ZPLD1: variants seen among roughly 807,000 people sequenced by gnomAD.
ZPLD1 encodes the protein zona pellucida-like domain-containing protein 1.
In ZPLD1, 34 loss-of-function variants were observed where a neutral mutation model predicts 47.2. The ratio of observed to expected loss-of-function variants is 0.72; its 90% CI spans 0.55 to 0.96. The LOEUF (loss-of-function observed/expected upper bound fraction) is 0.96. ZPLD1 is among the 40% of genes least tolerant of loss of function. The pLI, the probability that ZPLD1 is intolerant of heterozygous loss-of-function variation, is 0.00. For synonymous variants in ZPLD1, 176 were observed against 186.2 expected (o/e 0.95, Z 0.45); for missense variants, 512 against 505.8 (o/e 1.01, Z -0.12).
intron 1 of ZPLD1, among the ~76,000 whole-genome samples, chr3:102,435,938 G>C (rs1707084781): frequency 2.0e-5 from 3 of 152,144 alleles, no homozygotes. Context: ...CACCACGCCT[G>C]GCCATTATCT....
upstream of ZPLD1, among the ~76,000 whole-genome samples, chr3:102,434,684 AT>A (rs1039558818): frequency 6.6e-6 from 1 of 152,180 alleles, no homozygotes; most frequent in African/African-American, 2.4e-5. Flanking sequence ...TGGTATTAAT[AT>A]TTTGTATTAT....
In ZPLD1 at chr3:102,438,451, T is replaced by A. The variant is rs529972484; in HGVS notation, c.-8-29T>A. The A allele has an allele frequency of 5.9e-6, 9 of 1,516,776 alleles. No homozygotes were observed. In the South Asian group the frequency reaches 1.0e-4, roughly 17 times the overall value. 94.0% of individuals were successfully genotyped at this position (1,516,776 alleles called of 1,614,324 possible). On this transcript the variant is annotated intron_variant, in intron 2 of 11. Coordinates refer to ENST00000466937, the MANE Select transcript of ZPLD1 (RefSeq NM_001329788.2). ...TAGGAGTGAAGGAGTTAAGTGGGAG[T>A]GTCCACATGATAGATATCTCTTTTC...
chr3:102,398,717 C>T (rs1363483257), intron 7 of ZPLD1, among the ~76,000 whole-genome samples: 6 of 152,098 alleles, frequency 3.9e-5, no homozygotes, highest in Admixed American at 3.9e-4. Flanking sequence ...TTCACACCAC[C>T]ATGAGCATAT....
At position 102,478,345 on chromosome 3, in the gene ZPLD1, A is replaced by C. The variant is rs917513723; in HGVS notation, c.*727A>C. ...TTCTTCTGGTTCAGGTGAGAACACCAGCACATGTTAACTCTCCTCCCAGGT... is the reference window on the plus strand; with the variant it reads ...TTCTTCTGGTTCAGGTGAGAACACCCGCACATGTTAACTCTCCTCCCAGGT... On this transcript the variant is annotated 3_prime_UTR_variant, in exon 12 of 12. Coordinates refer to ENST00000466937, the MANE Select transcript of ZPLD1 (RefSeq NM_001329788.2). 7 of 152,248 alleles carry C rather than the reference A, an allele frequency of 4.6e-5. No homozygotes were observed. Among genetic ancestry groups the C allele is most frequent in the African/African-American group, 1.7e-4 (7 of 41,462 alleles). The allele number at this position is 152,248 out of a possible 1,614,324, so 9.4% of individuals were successfully genotyped here.
At chr3:102,467,442 A>G (rs577213934) in intron 8 of ZPLD1, among the ~76,000 whole-genome samples, 1 of 152,258 alleles carries the variant, frequency 6.6e-6, no homozygotes, top group Non-Finnish European at 1.5e-5. Flanking sequence ...AAAATGTCAC[A>G]ATTATTAAAG....
chr3:102,461,032 T>C (rs1028894390), intron 6 of ZPLD1, among the ~76,000 whole-genome samples: 1 of 151,814 alleles, frequency 6.6e-6, no homozygotes. Context: ...AGTATATCTC[T>C]TATATATTTG....
intron 8 of ZPLD1, among the ~76,000 whole-genome samples, chr3:102,421,493 G>A (rs1407729385): frequency 6.6e-6 from 1 of 151,794 alleles, no homozygotes; most frequent in Non-Finnish European, 1.5e-5. Context: ...GTGCATTTGT[G>A]TATTATGTAT....
rs574717667 is a variant in ZPLD1, at chr3:102,452,454, A to C, written c.107-465A>C. Among the ~76,000 whole-genome samples the C allele has an allele frequency of 6.6e-5, 10 of 152,296 alleles. No individual in the cohort carries two copies. In the East Asian group the frequency reaches 1.7e-3, roughly 26 times the overall value. ...CCCATAAGATGGGTTACCAAATGCCAAAGTACTTGACAATTTGGTTTAGGG... is the reference window on the plus strand; with the variant it reads ...CCCATAAGATGGGTTACCAAATGCCCAAGTACTTGACAATTTGGTTTAGGG... On this transcript the variant is annotated intron_variant, in intron 3 of 11. Transcript: ENST00000466937.
At chr3:102,429,300 T>C (rs1464095797) in intron 8 of ZPLD1, among the ~76,000 whole-genome samples, 1 of 152,168 alleles carries the variant, frequency 6.6e-6, no homozygotes, top group Non-Finnish European at 1.5e-5. Context: ...CATTTCTTGA[T>C]TCTTAACATA....
intron 7 of ZPLD1, among the ~76,000 whole-genome samples, chr3:102,407,589 A>G (rs1013419954): frequency 1.3e-5 from 2 of 150,974 alleles, no homozygotes; most frequent in Non-Finnish European, 3.0e-5. Context: ...TGATTAATTT[A>G]TATATTTGAC....
At chr3:102,471,789 T>TAACA (rs1707690100) in intron 10 of ZPLD1, among the ~76,000 whole-genome samples, 1 of 152,256 alleles carries the variant, frequency 6.6e-6, no homozygotes, top group Non-Finnish European at 1.5e-5. Flanking sequence ...TAAAAGTTTT[T>TAACA]AACAAGTTTA....
At chr3:102,415,353 C>T (rs775052496) in intron 7 of ZPLD1, among the ~76,000 whole-genome samples, 2 of 151,680 alleles carry the variant, frequency 1.3e-5, no homozygotes, top group African/African-American at 4.8e-5. Context: ...AGGGTGAGAT[C>T]TCTGATGTTC....
intron 3 of ZPLD1, among the ~76,000 whole-genome samples, chr3:102,448,324 C>G (rs1221107900): frequency 3.3e-5 from 5 of 152,134 alleles, no homozygotes; most frequent in Non-Finnish European, 7.4e-5. Flanking sequence ...TCTTGAACAT[C>G]ATAATTCAGG....
At chr3:102,395,375 T>A (rs1466767610) in intron 7 of ZPLD1, among the ~76,000 whole-genome samples, 1 of 152,168 alleles carries the variant, frequency 6.6e-6, no homozygotes, top group East Asian at 1.9e-4. Context: ...AGGTCCAATG[T>A]AGTCATATGG....
Position 102,400,601 on chromosome 3 carries a change from C to G in ZPLD1, c.-157+8376C>G, listed in dbSNP as rs1251118717. 3.3e-5 allele frequency among the ~76,000 whole-genome samples: 5 copies of G among 152,062 alleles called. No homozygotes were observed. In the East Asian group the frequency reaches 9.7e-4, roughly 29 times the overall value. On this transcript the variant is annotated intron_variant, in intron 7 of 17. Transcript: ENST00000491959. Reference sequence around the variant, plus strand: ...ACTATATCTCTCCCTTTTCTTTACTCTTTCCACACTTACTGACTGCACTAT... The same window carrying G: ...ACTATATCTCTCCCTTTTCTTTACTGTTTCCACACTTACTGACTGCACTAT...
intron 3 of ZPLD1, among the ~76,000 whole-genome samples, chr3:102,447,358 C>T (rs1287218812): frequency 1.3e-5 from 2 of 152,210 alleles, no homozygotes; most frequent in African/African-American, 4.8e-5. Context: ...GCCACCACAC[C>T]TGGCCTCCCC....
At chr3:102,400,466 G>C (rs1285857938) in intron 7 of ZPLD1, among the ~76,000 whole-genome samples, 2 of 151,954 alleles carry the variant, frequency 1.3e-5, no homozygotes, top group East Asian at 1.9e-4. Context: ...AGGGTCCCAG[G>C]CTTCTCTATG....
chr3:102,409,565 T>G (rs78496592), intron 7 of ZPLD1, among the ~76,000 whole-genome samples: 2,646 of 151,920 alleles, frequency 0.017, 71 homozygotes, highest in African/African-American at 0.061. Flanking sequence ...TCTAATTCCT[T>G]AATTTCAGAT....
In ZPLD1 at chr3:102,475,229, C is replaced by G. The variant is rs574182889; in HGVS notation, c.1043-1783C>G. 7.9e-5 allele frequency among the ~76,000 whole-genome samples: 12 copies of G among 152,190 alleles called. No homozygotes were observed. The East Asian group carries it at 2.3e-3, about 29-fold the overall frequency. On this transcript the variant is annotated intron_variant, in intron 10 of 11. Transcript: ENST00000466937. ...GAAAAGGGTGTGTCTTTTCCCCACA[C>G]ACGGAGATTTTTGTCCACAGCGAAG... is the stretch of plus-strand genomic sequence containing the variant.
Sources: allele counts gnomAD v4.1 joint callset (sites outside exome capture counted in the v4.1 genomes callset), GRCh38; gene constraint gnomAD v4.1.1; transcripts MANE v1.5; gene names NCBI Gene and HGNC (gene_info 2026-07-23, HGNC 2026-07-21).